The following NCSTN variants were observed in gnomAD, a reference collection of about 807,000 sequenced individuals.
The protein encoded by NCSTN is nicastrin, also known as anterior pharynx-defective 2.
NCSTN carries 22 observed loss-of-function variants against 87.0 expected under a neutral mutation model. The observed-to-expected ratio is 0.25, with a 90% CI of 0.18 to 0.36. The LOEUF (loss-of-function observed/expected upper bound fraction) is 0.36. Among genes scored for constraint, NCSTN ranks in the 10% least tolerant of loss-of-function variants. NCSTN has a pLI of 1.00. For synonymous variants in NCSTN, 306 were observed against 327.1 expected, an observed-to-expected ratio of 0.94 and a Z score of 0.69; for missense variants, 693 against 883.3, an observed-to-expected ratio of 0.78 and a Z score of 2.73.
At chr1:160,350,272 A>G in intron 5 of NCSTN, 22 bp downstream of exon 5, 2 of 1,612,818 alleles carry the variant, frequency 1.2e-6, no homozygotes, top group East Asian at 2.2e-5. Context: ...GCCAGCTCCT[A>G]GCAATTCCAG....
chr1:160,356,374 C>G lies in NCSTN; in HGVS notation c.1639+27C>G, dbSNP rs202162818. 2.6e-6 allele frequency: 4 copies of G among 1,556,042 alleles called. No homozygotes were observed. In the South Asian group the frequency reaches 4.5e-5, roughly 17 times the overall value. ...TAAGCATCTGGTGTGGGAATGGGAC[C>G]CTTAGCTGAGGAAAGGGATAGAGAA... On this transcript the variant is annotated intron_variant, in intron 14 of 16. Transcript: ENST00000294785.
chr1:160,343,829 G>A (rs1208181857), intron 1 of NCSTN: 4 of 553,806 alleles, frequency 7.2e-6, no homozygotes, highest in Non-Finnish European at 1.1e-5. Flanking sequence ...TCTTCCTCGC[G>A]TTTAGACTTT....
intron 7 of NCSTN, 112 bp from the exon 8 acceptor site, chr1:160,351,941 TG>T: frequency 2.7e-6 from 4 of 1,503,554 alleles, no homozygotes; most frequent in Non-Finnish European, 2.8e-6. Flanking sequence ...GTGGGACTCC[TG>T]GGTTGTCTCC....
intron 5 of NCSTN, among the ~76,000 whole-genome samples, chr1:160,350,785 A>G (rs768058003): frequency 1.3e-5 from 2 of 152,194 alleles, no homozygotes; most frequent in Non-Finnish European, 2.9e-5. Context: ...TAGCTCTAAT[A>G]TGCCTTAATT....
At position 160,349,121 on chromosome 1, in the gene NCSTN, A is replaced by T. The variant is rs531414824; in HGVS notation, c.313A>T (p.Arg105Trp). 6.1e-5 allele frequency: 99 copies of T among 1,614,040 alleles called. No homozygotes were observed. Among genetic ancestry groups the T allele is most frequent in the Non-Finnish European group, 8.0e-5 (94 of 1,180,004 alleles). The change falls in exon 3 of 17, where the codon AGG becomes TGG. Residue 105 changes from arginine to tryptophan, a missense_variant and splice_region_variant. Physicochemically the swap from Arg to Trp is moderately radical, Grantham distance 101 (BLOSUM62 -3). Transcript: ENST00000294785. ...TCTGCTGGAGAGCAAGCATTTTACC[A>T]GGTAAGAACTAGATGTATCTGCTGG... ...MVLLESKHFT[R>W]DLMEKLKGRT...
At chr1:160,348,020 T>A (rs1234650214) in intron 2 of NCSTN, among the ~76,000 whole-genome samples, 1 of 152,258 alleles carries the variant, frequency 6.6e-6, no homozygotes, top group Non-Finnish European at 1.5e-5. Flanking sequence ...CCTAGCACTT[T>A]GGGAGGCTGA....
Position 160,352,068 on chromosome 1 carries a change from C to T in NCSTN, c.858C>T (p.Ser286=), listed in dbSNP as rs755748959. The T allele has an allele frequency of 1.2e-6, 2 of 1,614,214 alleles. No homozygotes were observed. Among genetic ancestry groups the T allele is most frequent in the Admixed American group, 1.7e-5 (1 of 60,024 alleles). ...VVAATRLDSR[S]FFWNVAPGAE... is the part of the protein sequence containing the mutation. ...GTTGTACCTAGCTGGATAGTCGTTC[C>T]TTTTTCTGGAATGTGGCCCCAGGGG... is the stretch of plus-strand genomic sequence containing the variant. The change falls in exon 8 of 17, where the codon TCC becomes TCT. Residue 286 remains serine, a synonymous_variant. Coordinates refer to ENST00000294785, the MANE Select transcript of NCSTN (RefSeq NM_015331.3).
Position 160,353,216 on chromosome 1 carries a change from A to C in NCSTN, c.1158A>C (p.Lys386Asn). Residue 386 changes from lysine to asparagine, a missense_variant, in exon 10 of 17, where the codon AAA becomes AAC. Around this residue, in one of 4 missense-constraint regions of NCSTN, gnomAD observed 108 missense variants for 111.6 expected, o/e 0.97. Transcript: ENST00000294785. ...LWMHTDPVSQ[K>N]NESVRNQVED... ...TGCACACAGATCCTGTTTCTCAGAA[A>C]AATGAGTCTGTACGGAACCAGGTAA... 1.2e-6 allele frequency: 2 copies of C among 1,614,138 alleles called. No individual in the cohort carries two copies. Among genetic ancestry groups the C allele is most frequent in the Non-Finnish European group, 1.7e-6 (2 of 1,180,012 alleles).
chr1:160,355,999 G>A (rs2101909007), intron 13 of NCSTN, 41 bp downstream of exon 13: 1 of 1,537,200 alleles, frequency 6.5e-7, no homozygotes, highest in South Asian at 1.1e-5. Context: ...TATTTACACA[G>A]CAAGCTGTCC....
intron 10 of NCSTN, 142 bp from the exon 11 acceptor site, chr1:160,353,976 G>A (rs1183720633): frequency 1.0e-6 from 1 of 954,068 alleles, no homozygotes; most frequent in African/African-American, 1.6e-5. Context: ...GGTCCCAAAA[G>A]GCTTGAGGGA....
chr1:160,345,014 C>G, intron 2 of NCSTN, 188 bp downstream of exon 2: 1 of 656,352 alleles, frequency 1.5e-6, no homozygotes, highest in Non-Finnish European at 2.7e-6. Context: ...ATGCTGCATA[C>G]CAAGCTTTTT....
intron 16 of NCSTN, 126 bp downstream of exon 16, chr1:160,357,379 G>A: frequency 2.0e-6 from 2 of 1,002,338 alleles, no homozygotes; most frequent in Non-Finnish European, 3.0e-6. Context: ...CTGCAAATCT[G>A]TCCCTGGTCA....
intron 10 of NCSTN, chr1:160,353,866 G>T: frequency 1.9e-6 from 1 of 522,190 alleles, no homozygotes; most frequent in Non-Finnish European, 2.5e-6. Flanking sequence ...GAAGACAGTA[G>T]AATTTACTTA....
At chr1:160,353,527 T>G in intron 10 of NCSTN, 1 of 1,304,540 alleles carries the variant, frequency 7.7e-7, no homozygotes, top group Non-Finnish European at 9.8e-7. Flanking sequence ...CCTTCTTGCC[T>G]TGCTGCCCCA....
intron 2 of NCSTN, among the ~76,000 whole-genome samples, chr1:160,346,866 A>C (rs532016292): frequency 9.2e-5 from 14 of 152,214 alleles, no homozygotes; most frequent in African/African-American, 2.9e-4. Flanking sequence ...TGGCCTCCCA[A>C]AGTGCTGGGA....
At chr1:160,346,840 C>T (rs951774773) in intron 2 of NCSTN, among the ~76,000 whole-genome samples, 3 of 152,090 alleles carry the variant, frequency 2.0e-5, no homozygotes, top group Admixed American at 1.3e-4. Flanking sequence ...CCCCTGACCT[C>T]GTGATCTGCC....
Position 160,358,369 on chromosome 1 carries a change from G to T in NCSTN, c.*98G>T. ...CTAATTTGTCACTGGAACCTCCCTG[G>T]GCCTGTCTCAGATTGGGATTAACAT... On this transcript the variant is annotated 3_prime_UTR_variant, in exon 17 of 17. Transcript: ENST00000294785. The T allele has an allele frequency of 1.3e-6, 2 of 1,509,402 alleles. No individual in the cohort carries two copies. Among genetic ancestry groups the T allele is most frequent in the Non-Finnish European group, 1.8e-6 (2 of 1,093,378 alleles). The allele number at this position is 1,509,402 out of a possible 1,614,324, so 93.5% of individuals were successfully genotyped here.
In NCSTN at chr1:160,358,666, G is replaced by A. The variant is rs901101063; in HGVS notation, c.*395G>A. On this transcript the variant is annotated 3_prime_UTR_variant, in exon 17 of 17. Transcript: ENST00000294785. ...CTGTACCCAGCCACCTTCCTGACTG[G>A]GAAGGACATAAAAGGTTTAATGTCA... The A allele has an allele frequency of 6.3e-6, 2 of 319,718 alleles. No individual in the cohort carries two copies. The highest frequency in any genetic ancestry group is 1.1e-3 in the Middle Eastern group (1 of 938). The allele number at this position is 319,718 out of a possible 1,614,324, so 19.8% of individuals were successfully genotyped here. A position where few individuals can be genotyped will look rare whatever the true frequency, so the allele number is the denominator to read the frequency against.
At chr1:160,343,553 T>C (rs11806650) in intron 1 of NCSTN, 72 bp downstream of exon 1, 518 of 1,404,026 alleles carry the variant, frequency 3.7e-4, no homozygotes, top group Non-Finnish European at 4.7e-4. Context: ...CGACCGCCAC[T>C]GTCTCCCTTC....
Sources: allele counts gnomAD v4.1 joint callset (sites outside exome capture counted in the v4.1 genomes callset), GRCh38; gene constraint gnomAD v4.1.1; regional missense constraint gnomAD v4.1.1; transcripts MANE v1.5; gene names NCBI Gene and HGNC (gene_info 2026-07-23, HGNC 2026-07-21).